LCA5: variants seen among roughly 807,000 people sequenced by gnomAD.
LCA5 encodes the protein lebercilin.
LCA5 carries 37 observed loss-of-function variants against 53.0 expected under a neutral mutation model. The ratio of observed to expected loss-of-function variants is 0.70; its 90% CI spans 0.54 to 0.92. The LOEUF is 0.92. LCA5 is among the 40% of genes least tolerant of loss of function. LCA5 has a pLI of 0.00. For synonymous variants in LCA5, 303 were observed against 282.9 expected (o/e 1.07, Z -0.71); for missense variants, 806 against 790.5 (o/e 1.02, Z -0.23).
intron 4 of LCA5, among the ~76,000 whole-genome samples, chr6:79,493,407 T>C (rs1410179404): frequency 6.6e-6 from 1 of 152,180 alleles, no homozygotes; most frequent in African/African-American, 2.4e-5. Context: ...GTATTCAGTG[T>C]TTCACCTTTT....
chr6:79,504,127 T>C (rs1428945865), intron 3 of LCA5, among the ~76,000 whole-genome samples: 1 of 152,190 alleles, frequency 6.6e-6, no homozygotes. Flanking sequence ...CAAGAACAAC[T>C]ATCATCCAGT....
Position 79,519,463 on chromosome 6 carries a change from A to C in LCA5, c.-191-378T>G, listed in dbSNP as rs539507866. Among the ~76,000 whole-genome samples, 43 of 152,244 alleles carry C rather than the reference A, an allele frequency of 2.8e-4. No homozygotes were observed. The East Asian group carries it at 4.1e-3, about 14-fold the overall frequency. ...GGAAGTAGTGGTGATAGTAAAGAAC[A>C]AACCTGCTAATAAGAATAAATACAC... On this transcript the variant is annotated intron_variant, in intron 1 of 7. Coordinates refer to ENST00000369846, the MANE Select transcript of LCA5 (RefSeq NM_001122769.3).
At chr6:79,505,100 T>C (rs2127675157) in intron 3 of LCA5, among the ~76,000 whole-genome samples, 1 of 152,302 alleles carries the variant, frequency 6.6e-6, no homozygotes, top group Admixed American at 6.5e-5. Context: ...TTTTAAGCCC[T>C]GTTTTAGTGC....
chr6:79,528,080 C>T (rs1275313146), intron 1 of LCA5, among the ~76,000 whole-genome samples: 1 of 152,142 alleles, frequency 6.6e-6, no homozygotes, highest in African/African-American at 2.4e-5. Flanking sequence ...TGCGAAACAA[C>T]CTCAGGCAAA....
intron 3 of LCA5, among the ~76,000 whole-genome samples, chr6:79,502,229 TGGA>T (rs1770160338): frequency 6.6e-6 from 1 of 152,196 alleles, no homozygotes; most frequent in South Asian, 2.1e-4. Context: ...TTCAGTCCTC[TGGA>T]GGATAATTCA....
intron 3 of LCA5, among the ~76,000 whole-genome samples, chr6:79,502,439 C>G (rs1442198921): frequency 6.6e-6 from 1 of 152,062 alleles, no homozygotes; most frequent in Non-Finnish European, 1.5e-5. Context: ...AATCTGTTTC[C>G]TTTAAAAATC....
At chr6:79,488,851 T>G (rs774392436) in intron 7 of LCA5, 71 of 557,516 alleles carry the variant, frequency 1.3e-4, no homozygotes, top group Non-Finnish European at 2.0e-4. Flanking sequence ...AACTTGTCCT[T>G]ATTCCCTAAC....
chr6:79,517,602 A>C (rs1002855746), intron 2 of LCA5, among the ~76,000 whole-genome samples: 1 of 152,118 alleles, frequency 6.6e-6, no homozygotes, highest in Non-Finnish European at 1.5e-5. Context: ...TTGTACTTAC[A>C]AAAAAAGAAA....
At chr6:79,507,283 G>A (rs1048106300) in intron 3 of LCA5, among the ~76,000 whole-genome samples, 3 of 152,078 alleles carry the variant, frequency 2.0e-5, no homozygotes, top group African/African-American at 4.8e-5. Flanking sequence ...TAGATTTTTT[G>A]TTAAAAGATC....
At chr6:79,536,454 A>G (rs934654654) in intron 1 of LCA5, among the ~76,000 whole-genome samples, 2 of 152,228 alleles carry the variant, frequency 1.3e-5, no homozygotes, top group Non-Finnish European at 2.9e-5. Context: ...AGGGGTTTAT[A>G]TCAGATGAAC....
chr6:79,487,821 G>T lies in LCA5; in HGVS notation c.1277C>A (p.Ser426Tyr), dbSNP rs765972838. The change falls in exon 8 of 8, where the codon TCT (serine) becomes TAT (tyrosine). Residue 426 changes from serine (S) to tyrosine (Y), a missense_variant. Coordinates refer to ENST00000369846, the MANE Select transcript of LCA5 (RefSeq NM_001122769.3). ...TGGCTTTTCTTCTCTTTCCAGTAAA[G>T]ATGCCTTTTCTTTTTGCTTTTTATC... The part of the protein sequence containing the change: ...ELDKKQKEKA[S>Y]LLEREEKPEW... The T allele has an allele frequency of 6.2e-7, 1 of 1,609,430 alleles. No individual in the cohort carries two copies. The highest frequency in any genetic ancestry group is 1.3e-5 in the African/African-American group (1 of 74,648).
chr6:79,497,525 G>T (rs1217361044), intron 3 of LCA5, among the ~76,000 whole-genome samples: 1 of 152,128 alleles, frequency 6.6e-6, no homozygotes, highest in East Asian at 1.9e-4. Context: ...AAATGAAAAG[G>T]GGTATGGAGC....
At chr6:79,495,907 C>T (rs1325395950) in intron 3 of LCA5, among the ~76,000 whole-genome samples, 2 of 152,102 alleles carry the variant, frequency 1.3e-5, no homozygotes, top group East Asian at 1.9e-4. Flanking sequence ...AGTAGACCCA[C>T]TCAGTTCAAA....
intron 3 of LCA5, among the ~76,000 whole-genome samples, chr6:79,499,348 GA>G (rs1251072936): frequency 1.3e-5 from 2 of 151,874 alleles, no homozygotes; most frequent in African/African-American, 4.8e-5. Context: ...AAAATGCTTA[GA>G]AAAAATATAT....
intron 1 of LCA5, among the ~76,000 whole-genome samples, chr6:79,534,982 G>A (rs1467859720): frequency 8.5e-5 from 13 of 152,102 alleles, no homozygotes; most frequent in Admixed American, 8.5e-4. Context: ...TGAAAACTTA[G>A]TACATAAAAC....
At chr6:79,522,426 T>C (rs957459134) in intron 1 of LCA5, among the ~76,000 whole-genome samples, 2 of 151,906 alleles carry the variant, frequency 1.3e-5, no homozygotes, top group Non-Finnish European at 2.9e-5. Flanking sequence ...CTGAAGCCTG[T>C]AAATGTAAAT....
At chr6:79,533,380 G>T (rs775321741) in intron 1 of LCA5, among the ~76,000 whole-genome samples, 1 of 151,990 alleles carries the variant, frequency 6.6e-6, no homozygotes, top group Non-Finnish European at 1.5e-5. Flanking sequence ...GTACTTGTAT[G>T]TATCCCATTA....
Position 79,518,909 on chromosome 6 carries a change from G to T in LCA5, c.-15C>A. On this transcript the variant is annotated 5_prime_UTR_variant, in exon 2 of 8. Coordinates refer to ENST00000369846, the MANE Select transcript of LCA5 (RefSeq NM_001122769.3). The stretch of plus-strand genomic sequence containing the variant: ...CTTTCCCCCATTGTTTTGAAAAATG[G>T]TCTCTATTCACATAATTTCACAGAT... 6.2e-7 allele frequency: 1 copy of T among 1,612,966 alleles called. No individual in the cohort carries two copies. The highest frequency in any genetic ancestry group is 8.5e-7 in the Non-Finnish European group (1 of 1,178,932).
intron 3 of LCA5, among the ~76,000 whole-genome samples, chr6:79,505,209 A>G (rs535602007): frequency 1.3e-5 from 2 of 152,304 alleles, no homozygotes; most frequent in Admixed American, 1.3e-4. Flanking sequence ...GGACACTGCA[A>G]AGCTTATTTT....
Sources: allele counts gnomAD v4.1 joint callset (sites outside exome capture counted in the v4.1 genomes callset), GRCh38; gene constraint gnomAD v4.1.1; transcripts MANE v1.5; gene names NCBI Gene and HGNC (gene_info 2026-07-23, HGNC 2026-07-21).